Variants in SMAD4 observed in about 807,000 individuals in gnomAD.
SMAD4 encodes the protein MAD homolog 4.
SMAD4 carries 7 observed loss-of-function variants against 63.2 expected under a neutral mutation model. The observed-to-expected ratio is 0.11, with a 90% confidence interval of 0.06 to 0.21. SMAD4 has a LOEUF of 0.21. Ranked by LOEUF, SMAD4 falls within the 10% of genes least tolerant of loss-of-function variation. The probability of loss-of-function intolerance (pLI) is 1.00; values close to 1 mark genes in which losing one functional copy is unlikely to be tolerated. For synonymous variants in SMAD4, 215 were observed against 235.4 expected, an observed-to-expected ratio of 0.91 and a Z score of 0.79; for missense variants, 312 against 693.8, an observed-to-expected ratio of 0.45 and a Z score of 6.18.
Position 51,081,517 on chromosome 18 carries a change from C to T in SMAD4, c.*3050C>T. 1 of 231,584 alleles carries T rather than the reference C, an allele frequency of 4.3e-6. No homozygotes were observed. The highest frequency in any genetic ancestry group is 8.5e-6 in the Non-Finnish European group (1 of 117,130). 14.3% of individuals were successfully genotyped at this position (231,584 alleles called of 1,614,324 possible). On this transcript the variant is annotated 3_prime_UTR_variant, in exon 12 of 12. Coordinates refer to ENST00000342988, the MANE Select transcript of SMAD4 (RefSeq NM_005359.6). ...ACATGGCTGTTTTGTATTGCTGTAACCACTAAATAGGTTGCCTATACCATT... is the reference window on the plus strand; with the variant it reads ...ACATGGCTGTTTTGTATTGCTGTAATCACTAAATAGGTTGCCTATACCATT...
At position 51,083,996 on chromosome 18, in the gene SMAD4, G is replaced by A. The variant is rs1283544789; in HGVS notation, c.*5529G>A. 6 of 152,338 alleles carry A rather than the reference G, an allele frequency of 3.9e-5. No individual in the cohort carries two copies. Among genetic ancestry groups the A allele is most frequent in the South Asian group, 3.3e-4 (1 of 3,056 alleles). 9.4% of individuals were successfully genotyped at this position (152,338 alleles called of 1,614,324 possible). On this transcript the variant is annotated 3_prime_UTR_variant, in exon 12 of 12. Transcript: ENST00000342988. ...GGGCTGCAATAAACACTTAACGCGC[G>A]TGCGCACGCGCGCGCGCACACACAC...
intron 1 of SMAD4, among the ~76,000 whole-genome samples, chr18:51,043,954 A>G (rs1471156548): frequency 2.4e-4 from 36 of 152,212 alleles, no homozygotes; most frequent in Non-Finnish European, 1.5e-5. Context: ...GGAACTGTGC[A>G]TGGTGCTGGG....
chr18:51,062,270 A>G (rs1910033066), intron 8 of SMAD4, among the ~76,000 whole-genome samples: 1 of 152,192 alleles, frequency 6.6e-6, no homozygotes, highest in Admixed American at 6.5e-5. Context: ...TGAGAAATGT[A>G]ATATACAGAA....
intron 4 of SMAD4, chr18:51,052,693 T>C (rs1909741690): frequency 3.9e-6 from 1 of 258,908 alleles, no homozygotes; most frequent in Non-Finnish European, 8.0e-6. Context: ...AAAGAAGTGC[T>C]CCCACCCCTG....
chr18:51,071,361 C>T (rs1209051399), intron 10 of SMAD4, among the ~76,000 whole-genome samples: 1 of 151,964 alleles, frequency 6.6e-6, no homozygotes, highest in Non-Finnish European at 1.5e-5. Flanking sequence ...TTTTATAAGC[C>T]AAGAAGCTAG....
At chr18:51,059,969 T>C in intron 8 of SMAD4, 53 bp downstream of exon 8, 1 of 1,342,342 alleles carries the variant, frequency 7.4e-7, no homozygotes, top group South Asian at 1.2e-5. Context: ...TAGTGGTGAT[T>C]GAAACGCACA....
chr18:51,051,156 T>TG, intron 4 of SMAD4: 1 of 281,410 alleles, frequency 3.6e-6, no homozygotes, highest in South Asian at 3.4e-5. Context: ...AATCTCTCTA[T>TG]GGGGCTGTTT....
At chr18:51,077,143 T>G (rs1047182696) in intron 11 of SMAD4, 1 of 158,988 alleles carries the variant, frequency 6.3e-6, no homozygotes. Context: ...ATATTTCAAT[T>G]TCAGAATTGG....
chr18:51,056,234 A>G (rs1329157200), intron 5 of SMAD4, among the ~76,000 whole-genome samples: 1 of 152,226 alleles, frequency 6.6e-6, no homozygotes, highest in Admixed American at 6.5e-5. Flanking sequence ...GATTAGTGCT[A>G]GAGCACAGCT....
intron 4 of SMAD4, chr18:51,051,490 A>G (rs1909711648): frequency 4.6e-6 from 2 of 431,276 alleles, no homozygotes; most frequent in Admixed American, 5.4e-5. Flanking sequence ...TTTCCAGCCT[A>G]TCTTTTACCT....
At chr18:51,047,657 G>A (rs536814931) in intron 2 of SMAD4, among the ~76,000 whole-genome samples, 1 of 151,438 alleles carries the variant, frequency 6.6e-6, no homozygotes, top group South Asian at 2.1e-4. Context: ...CACCCAGGCT[G>A]GAGTACAGTG....
chr18:51,052,032 G>A (rs60894507), intron 4 of SMAD4, among the ~76,000 whole-genome samples: 133 of 151,830 alleles, frequency 8.8e-4, no homozygotes, highest in African/African-American at 3.1e-3. Flanking sequence ...GGCTGGTCTC[G>A]AACTCCTGAC....
At chr18:51,060,959 G>A (rs954907710) in intron 8 of SMAD4, among the ~76,000 whole-genome samples, 4 of 151,640 alleles carry the variant, frequency 2.6e-5, no homozygotes, top group African/African-American at 7.3e-5. Context: ...GGCTGGTTTC[G>A]AACTCCTAGC....
chr18:51,071,909 A>G (rs763219043), intron 10 of SMAD4, among the ~76,000 whole-genome samples: 1 of 152,244 alleles, frequency 6.6e-6, no homozygotes, highest in African/African-American at 2.4e-5. Context: ...TTCACTAAGC[A>G]TAATGTTTCA....
chr18:51,041,821 A>G (rs796611933), intron 1 of SMAD4, among the ~76,000 whole-genome samples: 6 of 152,332 alleles, frequency 3.9e-5, no homozygotes, highest in African/African-American at 1.2e-4. Context: ...CTAAGCAGAA[A>G]ATAAGCTTTT....
In SMAD4 at chr18:51,079,436, A is replaced by AT. The variant is rs1296602993; in HGVS notation, c.*970dup. The AT allele has an allele frequency of 4.3e-6, 1 of 233,496 alleles. No individual in the cohort carries two copies. 14.5% of individuals were successfully genotyped at this position (233,496 alleles called of 1,614,324 possible). On this transcript the variant is annotated 3_prime_UTR_variant, in exon 12 of 12. Transcript: ENST00000342988. ...AATATTTTGGAAACTGCTAAATTCT[A>AT]TGTTAAATACTGTGCAGAATAATGG...
At chr18:51,078,126 C>CT (rs1289175754) in intron 11 of SMAD4, 130 bp from the exon 12 acceptor site, 3 of 797,806 alleles carry the variant, frequency 3.8e-6, no homozygotes. Flanking sequence ...CTTCTTGGCA[C>CT]TTTAGCAGAG....
intron 1 of SMAD4, among the ~76,000 whole-genome samples, chr18:51,037,279 G>T (rs1599174255): frequency 6.6e-6 from 1 of 152,220 alleles, no homozygotes; most frequent in African/African-American, 2.4e-5. Context: ...GGTTCCCAAA[G>T]TATGGTCCAC....
intron 4 of SMAD4, chr18:51,053,035 A>T (rs1909750326): frequency 6.6e-6 from 1 of 152,274 alleles, no homozygotes; most frequent in Admixed American, 6.5e-5. Context: ...AGAAGTTTCA[A>T]ACTTACATTT....
Sources: gnomAD v4.1 joint callset for allele counts (sites outside exome capture counted in the v4.1 genomes callset) on GRCh38, gnomAD v4.1.1 for gene constraint, MANE v1.5 for transcripts, NCBI Gene and HGNC (gene_info 2026-07-23, HGNC 2026-07-21) for gene names.